Variants in ELK3 observed in about 807,000 individuals in gnomAD.
ELK3 encodes ETS transcription factor ELK3.
A neutral mutation model predicts 28.9 loss-of-function variants in ELK3; 10 were observed. That is an observed-to-expected ratio of 0.35 (90% CI 0.21 to 0.59). The LOEUF (loss-of-function observed/expected upper bound fraction) is 0.59. ELK3 is among the 20% of genes least tolerant of loss of function. The pLI is 0.82. For synonymous variants in ELK3, 272 were observed against 243.5 expected, an observed-to-expected ratio of 1.12 and a Z score of -1.09; for missense variants, 463 against 517.3, an observed-to-expected ratio of 0.90 and a Z score of 1.02.
intron 2 of ELK3, among the ~76,000 whole-genome samples, chr12:96,237,901 G>A (rs1245395633): frequency 6.6e-6 from 1 of 152,260 alleles, no homozygotes; most frequent in Non-Finnish European, 1.5e-5. Context: ...ATGTCAGGAA[G>A]GAGTGAGTCA....
chr12:96,260,559 C>T (rs751252939), intron 4 of ELK3, among the ~76,000 whole-genome samples: 13 of 149,958 alleles, frequency 8.7e-5, no homozygotes, highest in Non-Finnish European at 1.8e-4. Context: ...CCATACTAGG[C>T]GAGCACCTTC....
chr12:96,218,970 A>G (rs1951642712), intron 1 of ELK3, among the ~76,000 whole-genome samples: 1 of 152,138 alleles, frequency 6.6e-6, no homozygotes. Context: ...TTCTCATTAG[A>G]TAAAGGGAAT....
intron 3 of ELK3, among the ~76,000 whole-genome samples, chr12:96,258,488 G>T (rs1354658897): frequency 1.3e-5 from 2 of 152,188 alleles, no homozygotes; most frequent in Admixed American, 1.3e-4. Context: ...TGCTACGGAG[G>T]CCAATTCTAG....
intron 2 of ELK3, among the ~76,000 whole-genome samples, chr12:96,233,043 C>CAG (rs543669263): frequency 2.4e-4 from 36 of 152,314 alleles, no homozygotes; most frequent in African/African-American, 8.7e-4. Context: ...TCTCCTCTTA[C>CAG]TGTTCTTGGC....
intron 1 of ELK3, among the ~76,000 whole-genome samples, chr12:96,214,229 G>T (rs1951595018): frequency 6.6e-6 from 1 of 152,028 alleles, no homozygotes; most frequent in Admixed American, 6.5e-5. Context: ...TCAGGAGTTT[G>T]AGACCACCCT....
intron 1 of ELK3, among the ~76,000 whole-genome samples, chr12:96,203,147 C>T (rs1047645234): frequency 2.6e-5 from 4 of 152,220 alleles, no homozygotes; most frequent in African/African-American, 7.2e-5. Flanking sequence ...TCCCAAAGTG[C>T]TGGGATTACA....
At chr12:96,233,725 G>GTAAAA (rs1343186432) in intron 2 of ELK3, among the ~76,000 whole-genome samples, 3 of 152,212 alleles carry the variant, frequency 2.0e-5, no homozygotes, top group Non-Finnish European at 4.4e-5. Flanking sequence ...TGTTGTCAAA[G>GTAAAA]TGGAGAAGGA....
intron 2 of ELK3, among the ~76,000 whole-genome samples, chr12:96,235,393 T>C (rs1312288449): frequency 6.6e-6 from 1 of 152,050 alleles, no homozygotes; most frequent in African/African-American, 2.4e-5. Flanking sequence ...TGCGTCTCCC[T>C]TACGGGGCCG....
At chr12:96,258,103 CAG>C (rs933908541) in intron 3 of ELK3, among the ~76,000 whole-genome samples, 2 of 152,150 alleles carry the variant, frequency 1.3e-5, no homozygotes, top group East Asian at 1.9e-4. Context: ...GCAACTGAGA[CAG>C]AGAGAGGTTA....
chr12:96,197,660 T>G (rs1951480987), intron 1 of ELK3, among the ~76,000 whole-genome samples: 1 of 152,216 alleles, frequency 6.6e-6, no homozygotes, highest in African/African-American at 2.4e-5. Context: ...TATAGCATCT[T>G]CATGCACTTG....
At chr12:96,234,665 C>A (rs910012320) in intron 2 of ELK3, among the ~76,000 whole-genome samples, 2 of 152,246 alleles carry the variant, frequency 1.3e-5, no homozygotes, top group African/African-American at 4.8e-5. Context: ...GGTATTTTTA[C>A]ATCTATTAGC....
intron 3 of ELK3, among the ~76,000 whole-genome samples, chr12:96,250,907 A>G (rs1393993330): frequency 6.6e-6 from 1 of 152,202 alleles, no homozygotes; most frequent in Non-Finnish European, 1.5e-5. Flanking sequence ...CATGGCAGGA[A>G]GAAGGGGAGA....
chr12:96,240,891 T>G (rs746256481), intron 2 of ELK3, among the ~76,000 whole-genome samples: 13 of 152,110 alleles, frequency 8.5e-5, no homozygotes, highest in Non-Finnish European at 1.6e-4. Context: ...ATGCATAACC[T>G]TGGATCAAAA....
intron 1 of ELK3, among the ~76,000 whole-genome samples, chr12:96,203,660 G>C (rs925568204): frequency 2.6e-5 from 4 of 152,180 alleles, no homozygotes; most frequent in Non-Finnish European, 5.9e-5. Flanking sequence ...ATAAAGACAG[G>C]CTGGGCGCGG....
At position 96,210,854 on chromosome 12, in the gene ELK3, T is replaced by C. The variant is rs574647954; in HGVS notation, c.-2-12711T>C. 1.2e-4 allele frequency among the ~76,000 whole-genome samples: 19 copies of C among 152,270 alleles called. No homozygotes were observed. In the East Asian group the frequency reaches 3.7e-3, roughly 29 times the overall value. ...GCAACACCAGAAATGAACAAGGAAA[T>C]GTCCTGATTTGATTCCTAGTAGGAA... On this transcript the variant is annotated intron_variant, in intron 1 of 4. Coordinates refer to ENST00000228741, the MANE Select transcript of ELK3 (RefSeq NM_005230.4).
chr12:96,236,688 T>C (rs958789859), intron 2 of ELK3, among the ~76,000 whole-genome samples: 1 of 152,350 alleles, frequency 6.6e-6, no homozygotes, highest in East Asian at 1.9e-4. Context: ...GAAGGGCTAG[T>C]TGCACCCCAG....
chr12:96,197,078 A>G (rs1170039229), intron 1 of ELK3, among the ~76,000 whole-genome samples: 3 of 152,192 alleles, frequency 2.0e-5, no homozygotes, highest in Non-Finnish European at 4.4e-5. Flanking sequence ...ACGAGATCTC[A>G]TACATTTTGC....
In ELK3 at chr12:96,267,308, T is replaced by TG. The variant is rs200112773; in HGVS notation, c.*130dup. On this transcript the variant is annotated 3_prime_UTR_variant, in exon 5 of 5. Coordinates refer to ENST00000228741, the MANE Select transcript of ELK3 (RefSeq NM_005230.4). Reference sequence around the variant, plus strand: ...AATTTGGTTTGCACTTTTCATAACATGGATAGTCTAGATTTATGTTAGCAT... The same window carrying TG: ...AATTTGGTTTGCACTTTTCATAACATGGGATAGTCTAGATTTATGTTAGCAT... The TG allele has an allele frequency of 1.3e-3, 903 of 701,494 alleles. 13 individuals carry two copies. In the African/African-American group the frequency reaches 0.014, roughly 11 times the overall value. The allele number at this position is 701,494 out of a possible 1,614,324, so 43.5% of individuals were successfully genotyped here.
rs912541026 is a variant in ELK3 at position 96,194,439 on chromosome 12, G to A, written c.-269G>A. 8.7e-5 allele frequency: 13 copies of A among 149,482 alleles called. No individual in the cohort carries two copies. The highest frequency in any genetic ancestry group is 2.7e-4 in the African/African-American group (11 of 41,120). The allele number at this position is 149,482 out of a possible 1,614,324, so 9.3% of individuals were successfully genotyped here. ...GGGGCGCGCGGCGCGGGGCGGAAAA[G>A]CCTGTTTACACAGACTGCACACCGC... is the stretch of plus-strand genomic sequence containing the variant. On this transcript the variant is annotated 5_prime_UTR_variant, in exon 1 of 5. Coordinates refer to ENST00000228741, the MANE Select transcript of ELK3 (RefSeq NM_005230.4).
Sources: gnomAD v4.1 joint callset for allele counts (sites outside exome capture counted in the v4.1 genomes callset) on GRCh38, gnomAD v4.1.1 for gene constraint, MANE v1.5 for transcripts, NCBI Gene and HGNC (gene_info 2026-07-23, HGNC 2026-07-21) for gene names.